The following KCNAB1 variants were observed in gnomAD, a reference collection of about 807,000 sequenced individuals.
KCNAB1 encodes the protein potassium voltage-gated channel subfamily A regulatory beta subunit 1, also known as voltage-gated potassium channel subunit beta-1.
A neutral mutation model predicts 64.6 loss-of-function variants in KCNAB1; 35 were observed. The ratio of observed to expected loss-of-function variants is 0.54; its 90% CI spans 0.41 to 0.72. KCNAB1 has a LOEUF of 0.72. Ranked by LOEUF, KCNAB1 falls within the 30% of genes least tolerant of loss-of-function variation. The pLI is 0.00. For synonymous variants in KCNAB1, 177 were observed against 183.8 expected, an observed-to-expected ratio of 0.96 and a Z score of 0.30; for missense variants, 401 against 512.9, an observed-to-expected ratio of 0.78 and a Z score of 2.11.
chr3:156,235,172 C>T (rs1716775535), intron 1 of KCNAB1, among the ~76,000 whole-genome samples: 1 of 152,184 alleles, frequency 6.6e-6, no homozygotes, highest in South Asian at 2.1e-4. Flanking sequence ...ACACATCAGT[C>T]TCTCTACTCT....
At chr3:156,347,011 G>T (rs1205116183) in intron 1 of KCNAB1, among the ~76,000 whole-genome samples, 1 of 152,092 alleles carries the variant, frequency 6.6e-6, no homozygotes, top group Non-Finnish European at 1.5e-5. Flanking sequence ...TCTTTTCAGA[G>T]TGTATTTGCT....
intron 1 of KCNAB1, among the ~76,000 whole-genome samples, chr3:156,125,797 AC>A (rs2108257655): frequency 6.6e-6 from 1 of 152,330 alleles, no homozygotes; most frequent in Admixed American, 6.5e-5. Flanking sequence ...AGTTTGGTAG[AC>A]TTGATTCCTG....
At chr3:156,393,931 G>A (rs1439289259) in intron 1 of KCNAB1, among the ~76,000 whole-genome samples, 2 of 152,160 alleles carry the variant, frequency 1.3e-5, no homozygotes, top group Non-Finnish European at 2.9e-5. Flanking sequence ...TCTTTAATAA[G>A]TTTCCTTTGG....
chr3:156,377,667 G>A (rs1711791027), intron 1 of KCNAB1, among the ~76,000 whole-genome samples: 1 of 152,148 alleles, frequency 6.6e-6, no homozygotes, highest in Non-Finnish European at 1.5e-5. Flanking sequence ...AATGCCTATT[G>A]TGAGTTGGAA....
At chr3:156,465,545 T>A in intron 6 of KCNAB1, 98 bp from the exon 7 acceptor site, 1 of 1,062,732 alleles carries the variant, frequency 9.4e-7, no homozygotes. Context: ...TAGAATTTGA[T>A]AAGAACAGGG....
chr3:156,165,973 A>G (rs775676120), intron 1 of KCNAB1, among the ~76,000 whole-genome samples: 17 of 152,154 alleles, frequency 1.1e-4, no homozygotes, highest in Non-Finnish European at 2.4e-4. Context: ...CTCATGTGCA[A>G]AAGAAAGCCT....
intron 8 of KCNAB1, among the ~76,000 whole-genome samples, chr3:156,479,877 C>T (rs1714663222): frequency 6.6e-6 from 1 of 152,108 alleles, no homozygotes; most frequent in African/African-American, 2.4e-5. Flanking sequence ...CCCATAGTAT[C>T]ATCTTGTCAA....
chr3:156,281,881 G>A (rs1244762312), intron 1 of KCNAB1, among the ~76,000 whole-genome samples: 2 of 146,514 alleles, frequency 1.4e-5, no homozygotes, highest in African/African-American at 5.1e-5. Flanking sequence ...TCTTGCTAGC[G>A]GTCTATCAAT....
chr3:156,165,181 G>A (rs1711505099), intron 1 of KCNAB1, among the ~76,000 whole-genome samples: 4 of 149,372 alleles, frequency 2.7e-5, no homozygotes, highest in Admixed American at 2.7e-4. Context: ...GGGAGGCTGA[G>A]GCAGGAGAAT....
intron 8 of KCNAB1, among the ~76,000 whole-genome samples, chr3:156,491,279 C>A (rs1042970994): frequency 1.3e-5 from 2 of 152,024 alleles, no homozygotes; most frequent in Non-Finnish European, 2.9e-5. Context: ...ATGCAGCAGG[C>A]ACAGAAAGTG....
At chr3:156,174,049 G>T (rs577939956) in intron 1 of KCNAB1, among the ~76,000 whole-genome samples, 3 of 152,150 alleles carry the variant, frequency 2.0e-5, no homozygotes, top group African/African-American at 4.8e-5. Flanking sequence ...TGAGTCTCCA[G>T]CTTGCAGACT....
chr3:156,152,102 C>T (rs1241518749), intron 1 of KCNAB1, among the ~76,000 whole-genome samples: 5 of 152,176 alleles, frequency 3.3e-5, no homozygotes, highest in Admixed American at 1.3e-4. Context: ...AGCTACCCAG[C>T]GAGGGTTACC....
intron 1 of KCNAB1, among the ~76,000 whole-genome samples, chr3:156,418,758 A>C (rs766636247): frequency 2.0e-5 from 3 of 152,232 alleles, no homozygotes; most frequent in Non-Finnish European, 2.9e-5. Context: ...TATCTCATGC[A>C]GAGAAAATGC....
At chr3:156,323,204 G>T (rs1447607590) in intron 1 of KCNAB1, among the ~76,000 whole-genome samples, 1 of 152,106 alleles carries the variant, frequency 6.6e-6, no homozygotes, top group Non-Finnish European at 1.5e-5. Context: ...ACTCATATTG[G>T]TGTATAAATA....
intron 1 of KCNAB1, among the ~76,000 whole-genome samples, chr3:156,166,601 T>C (rs1450980129): frequency 6.6e-6 from 1 of 152,106 alleles, no homozygotes; most frequent in Non-Finnish European, 1.5e-5. Flanking sequence ...TATTCATGAA[T>C]ATCAGCAAGA....
intron 12 of KCNAB1, among the ~76,000 whole-genome samples, chr3:156,527,323 T>TTA (rs1243143263): frequency 6.6e-6 from 1 of 152,068 alleles, no homozygotes; most frequent in Non-Finnish European, 1.5e-5. Context: ...TAAAGGGAAA[T>TTA]TATATATATA....
chr3:156,158,211 TA>T lies in KCNAB1; in HGVS notation c.275+37328del, dbSNP rs201156412. 1.3e-3 allele frequency among the ~76,000 whole-genome samples: 185 copies of T among 141,664 alleles called. 2 individuals are homozygous for T. In the South Asian group the frequency reaches 0.015, roughly 12 times the overall value. 92.9% of individuals were successfully genotyped at this position (141,664 alleles called of 152,430 possible). ...ATAAATAAATAAATAAATAAATAAA[TA>T]AATAAATAAATGGGCCAAAAATGTA... On this transcript the variant is annotated intron_variant, in intron 1 of 13. Transcript: ENST00000490337.
intron 1 of KCNAB1, among the ~76,000 whole-genome samples, chr3:156,238,195 G>A (rs917483772): frequency 5.3e-5 from 8 of 152,034 alleles, no homozygotes; most frequent in African/African-American, 7.2e-5. Flanking sequence ...AGGCCGAGGC[G>A]GCGGATCACG....
chr3:156,196,006 GC>G (rs1713900235), intron 1 of KCNAB1, among the ~76,000 whole-genome samples: 1 of 152,080 alleles, frequency 6.6e-6, no homozygotes, highest in South Asian at 2.1e-4. Context: ...TCTGCATATG[GC>G]TAGCCAGTTT....
Sources: gnomAD v4.1 joint callset for allele counts (sites outside exome capture counted in the v4.1 genomes callset) on GRCh38, gnomAD v4.1.1 for gene constraint, MANE v1.5 for transcripts, NCBI Gene and HGNC (gene_info 2026-07-23, HGNC 2026-07-21) for gene names.